The following PRKCZ variants were observed in gnomAD, a reference collection of about 807,000 sequenced individuals.
The protein encoded by PRKCZ is protein kinase C zeta, also known as protein kinase C zeta type.
PRKCZ carries 33 observed loss-of-function variants against 79.5 expected under a neutral mutation model. That is an observed-to-expected ratio of 0.41 (90% CI 0.31 to 0.55). The LOEUF (loss-of-function observed/expected upper bound fraction) is 0.55. PRKCZ is among the 20% of genes least tolerant of loss of function. The pLI, the probability that PRKCZ is intolerant of heterozygous loss-of-function variation, is 0.19. For missense variants in PRKCZ, 578 were observed against 813.5 expected (o/e 0.71, Z 3.52); for synonymous variants, 342 against 320.9 (o/e 1.07, Z -0.70).
chr1:2,070,738 G>A (rs1661499201), intron 4 of PRKCZ, among the ~76,000 whole-genome samples: 2 of 150,850 alleles, frequency 1.3e-5, no homozygotes, highest in South Asian at 2.1e-4. Context: ...GGCCAGGGTG[G>A]GGCTGGCGGG....
At chr1:2,074,084 G>T in intron 4 of PRKCZ, 1 of 1,491,196 alleles carries the variant, frequency 6.7e-7, no homozygotes. Flanking sequence ...CAGATGCTCC[G>T]GGCAGCAACA....
At chr1:2,079,163 G>C (rs979479637) in intron 4 of PRKCZ, among the ~76,000 whole-genome samples, 83 of 152,232 alleles carry the variant, frequency 5.5e-4, no homozygotes, top group Non-Finnish European at 6.5e-4. Context: ...TTTTAAGGCA[G>C]AGTGCCCTGC....
rs1674280812 is a variant in PRKCZ at position 2,128,012 on chromosome 1, C to T, written c.335-7250C>T. Among the ~76,000 whole-genome samples the T allele has an allele frequency of 6.6e-6, 1 of 152,202 alleles. No homozygotes were observed. The highest frequency in any genetic ancestry group is 2.4e-5 in the African/African-American group (1 of 41,446). On this transcript the variant is annotated intron_variant, in intron 4 of 17. Coordinates refer to ENST00000378567, the MANE Select transcript of PRKCZ (RefSeq NM_002744.6). This position sits in a 1 kb window ranked among gnomAD's most constrained non-coding sequence, Gnocchi z 6.5. ...AGCCTGGAGAGGAAGCCAGGTGGCC[C>T]CAGGCTCCTGGAGCTCAGAATCTAG...
chr1:2,146,166 C>T, intron 7 of PRKCZ, 58 bp downstream of exon 7: 2 of 1,505,880 alleles, frequency 1.3e-6, no homozygotes, highest in Admixed American at 1.7e-5. Flanking sequence ...CCCTGCTCAC[C>T]TCTGCCTTCT....
At chr1:2,157,304 G>T (rs568240493) in intron 10 of PRKCZ, among the ~76,000 whole-genome samples, 28 of 152,298 alleles carry the variant, frequency 1.8e-4, no homozygotes, top group African/African-American at 6.5e-4. Context: ...AGGGCGTCCC[G>T]TGCCCAGTCA....
chr1:2,174,162 C>T lies in PRKCZ; in HGVS notation c.1405+146C>T, dbSNP rs1178156338. The T allele has an allele frequency of 1.7e-6, 2 of 1,158,728 alleles. No homozygotes were observed. The highest frequency in any genetic ancestry group is 2.3e-6 in the Non-Finnish European group (2 of 865,400). The allele number at this position is 1,158,728 out of a possible 1,614,324, so 71.8% of individuals were successfully genotyped here. A position where few individuals can be genotyped will look rare whatever the true frequency, so the allele number is the denominator to read the frequency against. On this transcript the variant is annotated intron_variant, in intron 14 of 17. Transcript: ENST00000378567. The surrounding 1 kb of genome is among the most constrained non-coding windows in gnomAD (Gnocchi z 6.2). ...GGGAACCATTCCTCCTGGCCAGACCCTGTGTCACATGCCACTCCCCGGGCC... is the reference window on the plus strand; with the variant it reads ...GGGAACCATTCCTCCTGGCCAGACCTTGTGTCACATGCCACTCCCCGGGCC...
In PRKCZ at chr1:2,127,848, CACCCCAA is replaced by C. The variant is rs1488871215; in HGVS notation, c.335-7404_335-7398del. On this transcript the variant is annotated intron_variant, in intron 4 of 17. Coordinates refer to ENST00000378567, the MANE Select transcript of PRKCZ (RefSeq NM_002744.6). The surrounding 1 kb of genome is among the most constrained non-coding windows in gnomAD (Gnocchi z 5.1). ...CTGAGTCAGGTGAGGTGGGGAGTCC[CACCCCAA>C]ACCCCAAACTCCAGTGTCTGGGCCA... 1.3e-5 allele frequency among the ~76,000 whole-genome samples: 2 copies of C among 152,196 alleles called. No individual in the cohort carries two copies. Among genetic ancestry groups the C allele is most frequent in the South Asian group, 2.1e-4 (1 of 4,822 alleles).
intron 4 of PRKCZ, among the ~76,000 whole-genome samples, chr1:2,085,031 C>T (rs895048777): frequency 7.3e-5 from 11 of 151,296 alleles, no homozygotes; most frequent in Non-Finnish European, 1.6e-4. Flanking sequence ...AAAAAAGATG[C>T]AGGTCAGGCA....
At chr1:2,108,459 G>A (rs977815951) in intron 4 of PRKCZ, among the ~76,000 whole-genome samples, 3 of 152,230 alleles carry the variant, frequency 2.0e-5, no homozygotes, top group Admixed American at 6.5e-5. Flanking sequence ...TGGCGGCTCC[G>A]AGGCGCCACC....
Position 2,144,451 on chromosome 1 carries a change from G to A in PRKCZ, c.552+110G>A, listed in dbSNP as rs542806919. On this transcript the variant is annotated intron_variant, in intron 6 of 17. Coordinates refer to ENST00000378567, the MANE Select transcript of PRKCZ (RefSeq NM_002744.6). Reference sequence around the variant, plus strand: ...GACCCTGGGTTCTTCAAGAGGGGCCGTGGTGCCGTCCTAGCTCTGGGCTGC... The same window carrying A: ...GACCCTGGGTTCTTCAAGAGGGGCCATGGTGCCGTCCTAGCTCTGGGCTGC... The A allele has an allele frequency of 8.4e-5, 125 of 1,488,366 alleles. No individual in the cohort carries two copies. In the Middle Eastern group the frequency reaches 1.1e-3, roughly 13 times the overall value. The allele number at this position is 1,488,366 out of a possible 1,614,324, so 92.2% of individuals were successfully genotyped here.
chr1:2,164,812 C>T (rs551284696), intron 10 of PRKCZ, among the ~76,000 whole-genome samples: 5 of 152,230 alleles, frequency 3.3e-5, no homozygotes, highest in African/African-American at 9.6e-5. Flanking sequence ...GCAGCTGCCT[C>T]GCTCCGCCCT....
intron 4 of PRKCZ, among the ~76,000 whole-genome samples, chr1:2,078,076 G>A (rs554191101): frequency 1.3e-5 from 2 of 152,280 alleles, no homozygotes; most frequent in East Asian, 1.9e-4. Context: ...AGCTCCCACC[G>A]ATGCCTGCCT....
chr1:2,078,636 G>A (rs150254835), intron 4 of PRKCZ, among the ~76,000 whole-genome samples: 93 of 152,238 alleles, frequency 6.1e-4, no homozygotes, highest in African/African-American at 1.9e-3. Context: ...CCGACTCCCC[G>A]TCTCTGACTC....
chr1:2,109,186 A>G (rs1044667089), intron 4 of PRKCZ, among the ~76,000 whole-genome samples: 4 of 152,160 alleles, frequency 2.6e-5, no homozygotes. Flanking sequence ...CGGGACTTGC[A>G]TGTGGGGCTG....
intron 4 of PRKCZ, among the ~76,000 whole-genome samples, chr1:2,084,503 G>A (rs374642081): frequency 1.3e-4 from 20 of 152,292 alleles, no homozygotes; most frequent in African/African-American, 4.1e-4. Context: ...GAACACATGC[G>A]CGGCCGGCCG....
intron 4 of PRKCZ, chr1:2,074,225 C>G: frequency 6.4e-7 from 1 of 1,550,512 alleles, no homozygotes; most frequent in Non-Finnish European, 8.7e-7. Flanking sequence ...GAGGGACCTT[C>G]TGAGCGAGGC....
chr1:2,052,951 C>G (rs561162613), intron 1 of PRKCZ, among the ~76,000 whole-genome samples: 24 of 152,328 alleles, frequency 1.6e-4, no homozygotes, highest in African/African-American at 5.5e-4. Flanking sequence ...GAGATCCAAT[C>G]CTCGCCACCC....
chr1:2,071,331 G>A (rs780367862), intron 4 of PRKCZ: 17 of 471,636 alleles, frequency 3.6e-5, no homozygotes, highest in African/African-American at 2.2e-4. Context: ...CGGCCCCACC[G>A]AGTGTGTTCC....
chr1:2,163,296 G>T (rs1247430696), intron 10 of PRKCZ, among the ~76,000 whole-genome samples: 1 of 152,242 alleles, frequency 6.6e-6, no homozygotes, highest in East Asian at 1.9e-4. Context: ...AGAGACAGGG[G>T]CTCTGCCTGC....
Sources: allele counts gnomAD v4.1 joint callset (sites outside exome capture counted in the v4.1 genomes callset), GRCh38; gene constraint gnomAD v4.1.1; non-coding constraint Gnocchi (gnomAD v3.1); transcripts MANE v1.5; gene names NCBI Gene and HGNC (gene_info 2026-07-23, HGNC 2026-07-21).